The following THSD7B variants were observed in gnomAD, a reference collection of about 807,000 sequenced individuals.
THSD7B encodes the protein thrombospondin type-1 domain-containing protein 7B.
Under a neutral mutation model 213.6 loss-of-function variants are expected in THSD7B, and 138 were observed. The ratio of observed to expected loss-of-function variants is 0.65; its 90% CI spans 0.56 to 0.74. THSD7B has a LOEUF of 0.74. THSD7B is among the 30% of genes least tolerant of loss of function. The pLI, the probability that THSD7B is intolerant of heterozygous loss-of-function variation, is 0.00. For missense variants in THSD7B, 1,931 were observed against 1,991.5 expected (o/e 0.97, Z 0.58); for synonymous variants, 742 against 687.0 (o/e 1.08, Z -1.25).
intron 5 of THSD7B, among the ~76,000 whole-genome samples, chr2:137,116,684 A>T (rs1281982840): frequency 6.6e-6 from 1 of 152,170 alleles, no homozygotes; most frequent in African/African-American, 2.4e-5. Flanking sequence ...AAGTTTCTTC[A>T]GGCTTAGTCT....
rs541219652 is a variant in THSD7B, at chr2:137,501,734, A to T, written c.3138+50711A>T. Among the ~76,000 whole-genome samples the T allele has an allele frequency of 2.6e-5, 4 of 152,348 alleles. No homozygotes were observed. The South Asian group carries it at 6.2e-4, about 24-fold the overall frequency. On this transcript the variant is annotated intron_variant, in intron 15 of 27. Coordinates refer to ENST00000409968, the MANE Select transcript of THSD7B (RefSeq NM_001316349.2). The stretch of plus-strand genomic sequence containing the variant: ...GCATTTAATTCAAGATTTCCTCAAG[A>T]AAATTGCCTATGATTTACTAATCTA...
chr2:136,862,518 A>T (rs1683271324), intron 1 of THSD7B, among the ~76,000 whole-genome samples: 1 of 152,200 alleles, frequency 6.6e-6, no homozygotes, highest in Non-Finnish European at 1.5e-5. Flanking sequence ...TATGAAAAAA[A>T]TAATAAGGCA....
At chr2:137,170,251 G>A (rs929676636) in intron 6 of THSD7B, among the ~76,000 whole-genome samples, 1 of 152,174 alleles carries the variant, frequency 6.6e-6, no homozygotes, top group Non-Finnish European at 1.5e-5. Flanking sequence ...GCAGACTGAT[G>A]TGTAAACCTC....
intron 5 of THSD7B, among the ~76,000 whole-genome samples, chr2:137,148,407 G>C (rs917146224): frequency 6.6e-6 from 1 of 152,262 alleles, no homozygotes; most frequent in Non-Finnish European, 1.5e-5. Context: ...GGGCACTGCT[G>C]TAAAGATACC....
intron 3 of THSD7B, among the ~76,000 whole-genome samples, chr2:137,080,207 G>A (rs1012297557): frequency 1.3e-5 from 2 of 150,122 alleles, no homozygotes; most frequent in African/African-American, 2.5e-5. Flanking sequence ...TAATTGTATT[G>A]TATTGTATTT....
At chr2:136,988,064 C>G (rs554780503) in intron 2 of THSD7B, among the ~76,000 whole-genome samples, 1 of 152,214 alleles carries the variant, frequency 6.6e-6, no homozygotes, top group South Asian at 2.1e-4. Context: ...TTAGTAAATG[C>G]ACTGAGTTGT....
chr2:137,016,187 G>C (rs746078451), intron 2 of THSD7B, among the ~76,000 whole-genome samples: 2 of 152,040 alleles, frequency 1.3e-5, no homozygotes, highest in African/African-American at 4.8e-5. Flanking sequence ...TGGGGGGTGA[G>C]GTGGCATTGT....
rs944679374 is a variant in THSD7B at position 136,882,841 on chromosome 2, T to A, written c.139+524T>A. 3.3e-5 allele frequency among the ~76,000 whole-genome samples: 5 copies of A among 152,208 alleles called. No homozygotes were observed. In the South Asian group the frequency reaches 1.0e-3, roughly 32 times the overall value. ...ATGTATTTTGAGATTCTTAGCTACC[T>A]CATGCATTATCCTTTATGTATATGA... is the stretch of plus-strand genomic sequence containing the variant. On this transcript the variant is annotated intron_variant, in intron 2 of 27. Coordinates refer to ENST00000409968, the MANE Select transcript of THSD7B (RefSeq NM_001316349.2).
At chr2:136,959,656 G>A (rs888073759) in intron 2 of THSD7B, among the ~76,000 whole-genome samples, 2 of 152,124 alleles carry the variant, frequency 1.3e-5, no homozygotes, top group African/African-American at 4.8e-5. Context: ...ATTCCTTCTT[G>A]GCCAAATGTT....
intron 10 of THSD7B, among the ~76,000 whole-genome samples, chr2:137,254,819 T>C (rs916098200): frequency 6.6e-6 from 1 of 152,128 alleles, no homozygotes; most frequent in Admixed American, 6.6e-5. Flanking sequence ...GCTCAAGGCA[T>C]AAACATTATG....
At chr2:137,479,412 A>G in intron 15 of THSD7B, 2 of 301,084 alleles carry the variant, frequency 6.6e-6, no homozygotes, top group South Asian at 2.6e-5. Flanking sequence ...CTGGCTTCCC[A>G]GTGGTGCATG....
At chr2:137,565,747 A>G (rs972264728) in intron 16 of THSD7B, among the ~76,000 whole-genome samples, 1 of 152,152 alleles carries the variant, frequency 6.6e-6, no homozygotes, top group African/African-American at 2.4e-5. Flanking sequence ...CATGGAGAGA[A>G]GGCAAAATCT....
intron 5 of THSD7B, among the ~76,000 whole-genome samples, chr2:137,142,094 T>G (rs1351063577): frequency 1.3e-5 from 2 of 152,188 alleles, no homozygotes; most frequent in African/African-American, 4.8e-5. Context: ...AGAATAAACT[T>G]AAAAGAAGTG....
At chr2:137,585,984 G>A (rs1313170881) in intron 17 of THSD7B, among the ~76,000 whole-genome samples, 2 of 151,988 alleles carry the variant, frequency 1.3e-5, no homozygotes, top group Non-Finnish European at 2.9e-5. Context: ...TCTCTTTGTA[G>A]GTCTCTAAGG....
Position 137,333,231 on chromosome 2 carries a change from T to A in THSD7B, c.2500+57205T>A, listed in dbSNP as rs1351015331. 3.3e-5 allele frequency among the ~76,000 whole-genome samples: 5 copies of A among 152,144 alleles called. No individual in the cohort carries two copies. In the East Asian group the frequency reaches 9.6e-4, roughly 29 times the overall value. ...AGCAGGTTCCGATACATCTACCTCC[T>A]GGGAGGACGCAAATTGTCTTCATCT... On this transcript the variant is annotated intron_variant, in intron 12 of 27. Transcript: ENST00000409968.
intron 2 of THSD7B, among the ~76,000 whole-genome samples, chr2:136,898,704 A>G (rs532464089): frequency 6.8e-6 from 1 of 146,540 alleles, no homozygotes; most frequent in East Asian, 2.1e-4. Flanking sequence ...GTGCAGTGGC[A>G]TGATCTCGGC....
intron 5 of THSD7B, among the ~76,000 whole-genome samples, chr2:137,126,055 G>C (rs917118860): frequency 6.6e-6 from 1 of 152,140 alleles, no homozygotes; most frequent in African/African-American, 2.4e-5. Context: ...TCCATTTATA[G>C]AGCACAAGAA....
chr2:136,910,333 G>A (rs1025306497), intron 2 of THSD7B, among the ~76,000 whole-genome samples: 1 of 152,138 alleles, frequency 6.6e-6, no homozygotes, highest in Non-Finnish European at 1.5e-5. Context: ...CATGGTAGTG[G>A]CATACTGGGT....
chr2:137,660,742 T>A (rs963341418), intron 25 of THSD7B, among the ~76,000 whole-genome samples: 2 of 152,310 alleles, frequency 1.3e-5, no homozygotes, highest in South Asian at 4.1e-4. Context: ...ATGGCTTCAA[T>A]AGCTAAGCAC....
Sources: allele counts gnomAD v4.1 joint callset (sites outside exome capture counted in the v4.1 genomes callset), GRCh38; gene constraint gnomAD v4.1.1; transcripts MANE v1.5; gene names NCBI Gene and HGNC (gene_info 2026-07-23, HGNC 2026-07-21).